Variants in PHF8 observed in about 807,000 individuals in gnomAD.
PHF8 encodes PHD finger protein 8.
A neutral mutation model predicts 74.4 loss-of-function variants in PHF8; 9 were observed. The ratio of observed to expected loss-of-function variants is 0.12; its 90% CI spans 0.07 to 0.21. PHF8 has a LOEUF of 0.21. Ranked by LOEUF, PHF8 falls within the 10% of genes least tolerant of loss-of-function variation. The pLI is 1.00. For missense variants in PHF8, 478 were observed against 816.6 expected (o/e 0.59, Z 5.05); for synonymous variants, 311 against 316.6 (o/e 0.98, Z 0.19).
chrX:53,980,102 G>T (rs2065456017), intron 18 of PHF8, among the ~76,000 whole-genome samples: 1 of 111,229 alleles, frequency 9.0e-6, no homozygotes, highest in African/African-American at 3.3e-5. Flanking sequence ...TCTGAAAACA[G>T]CACAAGGATG....
At chrX:53,999,794 C>A in intron 11 of PHF8, 76 bp downstream of exon 11, 1 of 623,056 alleles carries the variant, frequency 1.6e-6, no homozygotes, top group Non-Finnish European at 2.7e-6. Flanking sequence ...TCTTCTGTCT[C>A]TCCAAAACAT....
At position 54,002,356 on chromosome X, in the gene PHF8, T is replaced by A; in HGVS notation, c.1035-95A>T. ...TGTTCTGGATGCTTTGTATCTCTAA[T>A]CCTCAAAATGACTCTGCAAGATCTG... On this transcript the variant is annotated intron_variant, in intron 9 of 21. Transcript: ENST00000338154. 1.5e-5 allele frequency: 9 copies of A among 597,785 alleles called. No homozygotes were observed. The South Asian group carries it at 2.1e-4, about 14-fold the overall frequency. 49.3% of individuals were successfully genotyped at this position (597,785 alleles called of 1,213,427 possible).
At chrX:53,972,067 G>A (rs2065300801) in intron 18 of PHF8, among the ~76,000 whole-genome samples, 1 of 111,204 alleles carries the variant, frequency 9.0e-6, no homozygotes, top group East Asian at 2.8e-4. Flanking sequence ...GCTCACGCCT[G>A]TAATCCCAGC....
chrX:53,959,153 C>T (rs1002839512), intron 19 of PHF8, among the ~76,000 whole-genome samples: 6 of 111,351 alleles, frequency 5.4e-5, no homozygotes, highest in Admixed American at 2.9e-4. Flanking sequence ...TATTGGTTTT[C>T]GATATTTACA....
chrX:54,033,720 A>T (rs1312141800), intron 2 of PHF8, among the ~76,000 whole-genome samples: 1 of 110,011 alleles, frequency 9.1e-6, no homozygotes, highest in Non-Finnish European at 1.9e-5. Flanking sequence ...TCTCAGAAAA[A>T]AATCATCATC....
intron 18 of PHF8, among the ~76,000 whole-genome samples, chrX:53,967,590 G>A (rs1298223867): frequency 8.8e-6 from 1 of 113,975 alleles, no homozygotes; most frequent in Non-Finnish European, 1.9e-5. Context: ...CCCTCTGCCC[G>A]GCCACCACCC....
chrX:53,957,559 C>G (rs2065033943), intron 19 of PHF8, among the ~76,000 whole-genome samples: 1 of 110,574 alleles, frequency 9.0e-6, no homozygotes, highest in African/African-American at 3.3e-5. Flanking sequence ...ACAAAAAAAC[C>G]CTCATGGTAG....
At chrX:53,960,012 G>A (rs1050230574) in intron 19 of PHF8, among the ~76,000 whole-genome samples, 11 of 110,567 alleles carry the variant, frequency 9.9e-5, no homozygotes, top group African/African-American at 2.0e-4. Context: ...TCTTGGGAAC[G>A]GGATTGCAGG....
intron 11 of PHF8, among the ~76,000 whole-genome samples, chrX:53,996,007 T>C (rs1557102764): frequency 1.8e-5 from 2 of 111,315 alleles, no homozygotes. Flanking sequence ...TAGACCTAAA[T>C]GTAAAACCTA....
intron 1 of PHF8, 148 bp from the exon 2 acceptor site, chrX:54,042,968 G>A (rs1414126034): frequency 3.7e-6 from 2 of 535,502 alleles, no homozygotes; most frequent in African/African-American, 2.5e-5. Context: ...AAGTCCACCC[G>A]GCCCTTAGAA....
chrX:54,038,016 C>T (rs1167234850), intron 2 of PHF8, among the ~76,000 whole-genome samples: 1 of 112,342 alleles, frequency 8.9e-6, no homozygotes, highest in Non-Finnish European at 1.9e-5. Context: ...ATGTATCAAC[C>T]AATATTTCTT....
At chrX:54,038,831 A>G (rs782045194) in intron 2 of PHF8, among the ~76,000 whole-genome samples, 4 of 111,426 alleles carry the variant, frequency 3.6e-5, no homozygotes, top group Non-Finnish European at 7.5e-5. Flanking sequence ...ACTTCAAGAA[A>G]TCTATCCTAC....
intron 8 of PHF8, 68 bp downstream of exon 8, chrX:54,011,054 G>C: frequency 1.0e-6 from 1 of 958,331 alleles, no homozygotes; most frequent in Admixed American, 2.2e-5. Flanking sequence ...TTAATATGCT[G>C]TGGGGCCAAA....
intron 20 of PHF8, chrX:53,943,302 T>C: frequency 1.1e-6 from 1 of 907,579 alleles, no homozygotes; most frequent in Non-Finnish European, 1.5e-6. Flanking sequence ...AAATAGAAAG[T>C]AATATGAAAT....
chrX:53,940,384 G>A lies in PHF8; in HGVS notation c.2782C>T (p.Leu928Phe). 1 of 1,210,175 alleles carries A rather than the reference G, an allele frequency of 8.3e-7. No individual in the cohort carries two copies. The highest frequency in any genetic ancestry group is 1.1e-6 in the Non-Finnish European group (1 of 894,481). ...GGCAGGGGTGAGGAGGAGGTGACAA[G>A]TTGTGGTGTGGCAGCCACAGTGGGG... Reference protein sequence around the residue: ...PAPTVAATPQLVTSSSPLPPP... With the variant: ...PAPTVAATPQFVTSSSPLPPP... The change falls in exon 21 of 22, where the codon CTT (leucine) becomes TTT (phenylalanine). Residue 928 changes from leucine to phenylalanine, a missense_variant. Around this residue, in one of 9 missense-constraint regions of PHF8, gnomAD observed 75 missense variants for 93.3 expected, o/e 0.80. Transcript: ENST00000338154.
chrX:53,994,187 G>A (rs782251557), intron 12 of PHF8, among the ~76,000 whole-genome samples: 5 of 112,454 alleles, frequency 4.4e-5, no homozygotes, highest in Non-Finnish European at 7.5e-5. Flanking sequence ...AAATAATCAA[G>A]TACTAATCTG....
At chrX:53,971,734 G>C (rs782588714) in intron 18 of PHF8, among the ~76,000 whole-genome samples, 2 of 111,299 alleles carry the variant, frequency 1.8e-5, no homozygotes, top group Admixed American at 1.9e-4. Flanking sequence ...AAATCTGGAA[G>C]AAATGGATGA....
chrX:53,987,638 GGC>G, intron 15 of PHF8, 126 bp downstream of exon 15: 3 of 556,165 alleles, frequency 5.4e-6, no homozygotes, highest in Non-Finnish European at 9.2e-6. Flanking sequence ...GAACCCGGGA[GGC>G]GGAGGTTGCA....
intron 19 of PHF8, among the ~76,000 whole-genome samples, chrX:53,956,823 C>G (rs782676724): frequency 9.0e-6 from 1 of 110,746 alleles, no homozygotes; most frequent in South Asian, 3.8e-4. Flanking sequence ...GGAAGAAACT[C>G]TGATGCTAAT....
Sources: gnomAD v4.1 joint callset for allele counts (sites outside exome capture counted in the v4.1 genomes callset) on GRCh38, gnomAD v4.1.1 for gene constraint, gnomAD v4.1.1 regional missense constraint, MANE v1.5 for transcripts, NCBI Gene and HGNC (gene_info 2026-07-23, HGNC 2026-07-21) for gene names.